Variants in ZC3H15 observed in about 807,000 individuals in gnomAD.
The protein encoded by ZC3H15 is zinc finger CCCH domain-containing protein 15.
A neutral mutation model predicts 51.2 loss-of-function variants in ZC3H15; 15 were observed. The ratio of observed to expected loss-of-function variants is 0.29; its 90% CI spans 0.20 to 0.45. ZC3H15 has a LOEUF of 0.45. Ranked by LOEUF, ZC3H15 falls within the 20% of genes least tolerant of loss-of-function variation. ZC3H15 has a pLI of 1.00. For missense variants in ZC3H15, 381 were observed against 494.7 expected (o/e 0.77, Z 2.18); for synonymous variants, 144 against 162.8 (o/e 0.88, Z 0.88).
At chr2:186,495,179 G>T in intron 1 of ZC3H15, 54 bp from the exon 2 acceptor site, 1 of 985,446 alleles carries the variant, frequency 1.0e-6, no homozygotes, top group Non-Finnish European at 1.5e-6. Flanking sequence ...ATCATTGGAG[G>T]ATATATATGG....
chr2:186,503,932 T>C, intron 5 of ZC3H15, 100 bp from the exon 6 acceptor site: 2 of 910,190 alleles, frequency 2.2e-6, no homozygotes, highest in Non-Finnish European at 1.6e-6. Flanking sequence ...ACTTGTGTAA[T>C]ATAACGTACT....
chr2:186,508,513 C>T (rs749304168), intron 9 of ZC3H15, 30 bp from the exon 10 acceptor site: 13 of 1,599,928 alleles, frequency 8.1e-6, no homozygotes, highest in East Asian at 2.2e-5. Context: ...TCTGCTTCTA[C>T]GCCTTACTGA....
At chr2:186,494,278 C>T (rs1685246871) in intron 1 of ZC3H15, among the ~76,000 whole-genome samples, 1 of 152,098 alleles carries the variant, frequency 6.6e-6, no homozygotes, top group South Asian at 2.1e-4. Flanking sequence ...GTATTTCCAT[C>T]TTAGCAATAA....
chr2:186,500,849 AT>A (rs1264265814), intron 3 of ZC3H15, among the ~76,000 whole-genome samples: 2 of 151,872 alleles, frequency 1.3e-5, no homozygotes, highest in Non-Finnish European at 2.9e-5. Flanking sequence ...TAGTTTTTGT[AT>A]TTTTAATAGA....
Position 186,486,344 on chromosome 2 carries a change from A to C in ZC3H15, c.-39A>C. Reference sequence around the variant, plus strand: ...AGGGCCAGAACCCCTGACGGTATTCAGCTGCGCGTAAGTCTGGCCGGTGCC... The same window carrying C: ...AGGGCCAGAACCCCTGACGGTATTCCGCTGCGCGTAAGTCTGGCCGGTGCC... On this transcript the variant is annotated 5_prime_UTR_variant, in exon 1 of 10. Transcript: ENST00000337859. The C allele has an allele frequency of 6.6e-7, 1 of 1,516,334 alleles. No individual in the cohort carries two copies. The allele number at this position is 1,516,334 out of a possible 1,614,324, so 93.9% of individuals were successfully genotyped here. A position where few individuals can be genotyped will look rare whatever the true frequency, so the allele number is the denominator to read the frequency against.
chr2:186,501,226 A>G (rs1035542904), intron 3 of ZC3H15, 47 bp from the exon 4 acceptor site: 1 of 1,511,548 alleles, frequency 6.6e-7, no homozygotes, highest in Non-Finnish European at 8.9e-7. Flanking sequence ...TCTATACTTT[A>G]CAGCCTGGCA....
rs948349732 is a variant in ZC3H15, at chr2:186,501,877, C to G, written c.442+452C>G. ...CAGGGTCGTGCCGCCACGCCCAGCT[C>G]ATTTTTGTATTTTTAGTAGAGATGG... is the stretch of plus-strand genomic sequence containing the variant. On this transcript the variant is annotated intron_variant, in intron 4 of 9. Coordinates refer to ENST00000337859, the MANE Select transcript of ZC3H15 (RefSeq NM_018471.3). 1.1e-3 allele frequency among the ~76,000 whole-genome samples: 172 copies of G among 151,918 alleles called. 1 individual carries two copies. The highest frequency in any genetic ancestry group is 4.0e-3 in the African/African-American group (165 of 41,484).
chr2:186,486,501 A>G, intron 1 of ZC3H15, 44 bp downstream of exon 1: 14 of 1,512,598 alleles, frequency 9.3e-6, no homozygotes, highest in Non-Finnish European at 1.2e-5. Flanking sequence ...AGCCCTCCGG[A>G]AAGCCACTTC....
At chr2:186,501,526 CTG>C (rs146938371) in intron 4 of ZC3H15, 101 bp downstream of exon 4, 207,502 of 965,526 alleles carry the variant, frequency 0.21, 24,062 homozygotes, top group Middle Eastern at 0.24. Context: ...TCTTAATAGA[CTG>C]TTTATAAAAA....
chr2:186,505,734 C>G lies in ZC3H15; in HGVS notation c.865-6C>G. ...CCTGAGTTGATATATTTGTGTGTCT[C>G]AATAGATCAGTGGTCGTGAAGTGTT... is the stretch of plus-strand genomic sequence containing the variant. On this transcript the variant is annotated splice_polypyrimidine_tract_variant and splice_region_variant and intron_variant, in intron 7 of 9. Transcript: ENST00000337859. 6.2e-7 allele frequency: 1 copy of G among 1,613,790 alleles called. No homozygotes were observed. Among genetic ancestry groups the G allele is most frequent in the South Asian group, 1.1e-5 (1 of 91,048 alleles).
intron 6 of ZC3H15, 76 bp downstream of exon 6, chr2:186,504,290 G>GA: frequency 1.6e-6 from 2 of 1,255,290 alleles, no homozygotes; most frequent in South Asian, 2.2e-5. Flanking sequence ...ACCACTTGGG[G>GA]CAATAGCCTT....
rs867977763 is a variant in ZC3H15 at position 186,489,689 on chromosome 2, A to G, written c.75+3232A>G. On this transcript the variant is annotated intron_variant, in intron 1 of 9. Transcript: ENST00000337859. The stretch of plus-strand genomic sequence containing the variant: ...CTGTACCTGTTCTGCTGCCACCTCT[A>G]TGGACCTTCACTGTGGAAAAATCAA... Among the ~76,000 whole-genome samples, 19 of 152,158 alleles carry G rather than the reference A, an allele frequency of 1.2e-4. 2 individuals carry two copies. Among genetic ancestry groups the G allele is most frequent in the Middle Eastern group, 6.3e-3 (2 of 316 alleles).
chr2:186,486,599 A>G lies in ZC3H15; in HGVS notation c.75+142A>G, dbSNP rs375785837. On this transcript the variant is annotated intron_variant, in intron 1 of 9. Transcript: ENST00000337859. ...CTGTGTGGCCCACTGCCCCTTCTCCAGCCCCTGATGACGCTAGCTCTCTCA... is the reference window on the plus strand; with the variant it reads ...CTGTGTGGCCCACTGCCCCTTCTCCGGCCCCTGATGACGCTAGCTCTCTCA... 66 of 819,592 alleles carry G rather than the reference A, an allele frequency of 8.1e-5. No homozygotes were observed. In the African/African-American group the frequency reaches 8.6e-4, roughly 11 times the overall value. 50.8% of individuals were successfully genotyped at this position (819,592 alleles called of 1,614,324 possible). A position where few individuals can be genotyped will look rare whatever the true frequency, so the allele number is the denominator to read the frequency against.
At chr2:186,488,465 G>A (rs1236653378) in intron 1 of ZC3H15, among the ~76,000 whole-genome samples, 1 of 152,134 alleles carries the variant, frequency 6.6e-6, no homozygotes, top group Admixed American at 6.5e-5. Flanking sequence ...ACCATGCAGT[G>A]TTTTTGAGAT....
intron 1 of ZC3H15, among the ~76,000 whole-genome samples, chr2:186,489,779 A>G (rs369355969): frequency 9.8e-5 from 15 of 152,340 alleles, no homozygotes; most frequent in African/African-American, 3.6e-4. Flanking sequence ...TAATGAAAGG[A>G]ACACTAGCTT....
chr2:186,506,817 A>G lies in ZC3H15; in HGVS notation c.1071A>G (p.Thr357=), dbSNP rs748124183. ...ITVASLERFS[T]YTSDKDENKL... ...TAGCCAGTCTTGAAAGATTCAGCAC[A>G]TATACTTCAGATAAAGATGGTAAGT... The change falls in exon 9 of 10, where the codon ACA becomes ACG. Residue 357 remains threonine (T), a synonymous_variant. Coordinates refer to ENST00000337859, the MANE Select transcript of ZC3H15 (RefSeq NM_018471.3). The G allele has an allele frequency of 9.9e-6, 16 of 1,612,026 alleles. No homozygotes were observed. The highest frequency in any genetic ancestry group is 1.7e-4 in the Middle Eastern group (1 of 6,050).
At chr2:186,506,153 A>G (rs961746531) in intron 8 of ZC3H15, 1 of 400,126 alleles carries the variant, frequency 2.5e-6, no homozygotes, top group African/African-American at 2.0e-5. Flanking sequence ...TCCTCCCTCT[A>G]AAAGAGAGAG....
intron 2 of ZC3H15, among the ~76,000 whole-genome samples, chr2:186,499,312 G>GT (rs11436264): frequency 0.98 from 149,566 of 152,264 alleles, 73,499 homozygotes; most frequent in Middle Eastern, 1. Flanking sequence ...AAACAGTTGA[G>GT]AGAACTCTGT....
intron 1 of ZC3H15, among the ~76,000 whole-genome samples, chr2:186,490,885 G>A (rs567885417): frequency 2.0e-5 from 3 of 152,102 alleles, no homozygotes; most frequent in African/African-American, 4.8e-5. Flanking sequence ...ACATAAACAC[G>A]CAGTTCCTTT....
Sources: allele counts gnomAD v4.1 joint callset (sites outside exome capture counted in the v4.1 genomes callset), GRCh38; gene constraint gnomAD v4.1.1; transcripts MANE v1.5; gene names NCBI Gene and HGNC (gene_info 2026-07-23, HGNC 2026-07-21).